Variants in LPAR5 observed in about 807,000 individuals in gnomAD.
LPAR5 encodes the protein lysophosphatidic acid receptor 5.
For synonymous variants in LPAR5, 271 were observed against 261.6 expected, an observed-to-expected ratio of 1.04 and a Z score of -0.35; for missense variants, 544 against 521.8, an observed-to-expected ratio of 1.04 and a Z score of -0.41.
intron 1 of LPAR5, among the ~76,000 whole-genome samples, chr12:6,625,420 C>CAA (rs34197416): frequency 9.5e-5 from 11 of 115,380 alleles, no homozygotes; most frequent in East Asian, 5.2e-4. Context: ...GACTCCGTCT[C>CAA]AAAAAAAAAA....
At position 6,620,404 on chromosome 12, in the gene LPAR5, A is replaced by G; in HGVS notation, c.845T>C (p.Met282Thr). ...GCAGTTGGCGCCGGCCAGCAGCACC[A>G]TCACCATCAGCACCCCGCGCACGCG... Reference protein sequence around the residue: ...RDRVRGVLMVMVLLAGANCVL... With the variant: ...RDRVRGVLMVTVLLAGANCVL... The change falls in exon 2 of 2, where the codon ATG becomes ACG. Residue 282 changes from methionine (M) to threonine (T), a missense_variant. Physicochemically the swap from Met to Thr is moderately conservative, Grantham distance 81. Coordinates refer to ENST00000329858, the MANE Select transcript of LPAR5 (RefSeq NM_020400.6). The surrounding 1 kb of genome is among the most constrained non-coding windows in gnomAD (Gnocchi z 6.8). 1 of 1,611,242 alleles carries G rather than the reference A, an allele frequency of 6.2e-7. No individual in the cohort carries two copies. The highest frequency in any genetic ancestry group is 8.5e-7 in the Non-Finnish European group (1 of 1,179,096).
At chr12:6,621,518 A>C in intron 1 of LPAR5, 54 bp from the exon 2 acceptor site, 3 of 342,122 alleles carry the variant, frequency 8.8e-6, no homozygotes, top group African/African-American at 2.1e-5. Context: ...GCACACACAA[A>C]TGTTTAGCTC....
At chr12:6,621,922 G>C (rs1242498836) in intron 1 of LPAR5, among the ~76,000 whole-genome samples, 1 of 152,076 alleles carries the variant, frequency 6.6e-6, no homozygotes, top group African/African-American at 2.4e-5. Flanking sequence ...GAGGTCAGGA[G>C]TTCGAGACCA....
intron 1 of LPAR5, among the ~76,000 whole-genome samples, chr12:6,635,659 G>A (rs1421898909): frequency 2.0e-5 from 3 of 152,180 alleles, no homozygotes; most frequent in African/African-American, 7.2e-5. Context: ...AGATGCCCCA[G>A]AGTGGGGGCT....
In LPAR5 at chr12:6,628,789, C is replaced by T. The variant is rs372092365; in HGVS notation, c.-217+7118G>A. Among the ~76,000 whole-genome samples, 9 of 152,124 alleles carry T rather than the reference C, an allele frequency of 5.9e-5. No individual in the cohort carries two copies. The East Asian group carries it at 9.8e-4, about 16-fold the overall frequency. On this transcript the variant is annotated intron_variant, in intron 1 of 1. Transcript: ENST00000329858. ...CTGGGATTACAGGCATGTGCCACCA[C>T]GCCCAGCTAATTTTGTATTTTTAGT...
intron 1 of LPAR5, among the ~76,000 whole-genome samples, chr12:6,627,682 A>G (rs901500693): frequency 6.6e-6 from 1 of 152,090 alleles, no homozygotes; most frequent in African/African-American, 2.4e-5. Context: ...CGTTTTATGT[A>G]TATTTGTTCT....
intron 1 of LPAR5, among the ~76,000 whole-genome samples, chr12:6,633,509 T>A (rs1948993862): frequency 6.6e-6 from 1 of 151,808 alleles, no homozygotes; most frequent in Admixed American, 6.6e-5. Flanking sequence ...GCCTCCCGGG[T>A]TCACGCAATT....
intron 1 of LPAR5, among the ~76,000 whole-genome samples, chr12:6,627,462 G>T (rs1004562633): frequency 6.6e-6 from 1 of 151,100 alleles, no homozygotes; most frequent in African/African-American, 2.4e-5. Flanking sequence ...GAGGTGGCAG[G>T]TGCCTGTAAT....
At chr12:6,623,714 C>T (rs1387852460) in intron 1 of LPAR5, among the ~76,000 whole-genome samples, 1 of 152,164 alleles carries the variant, frequency 6.6e-6, no homozygotes, top group African/African-American at 2.4e-5. Context: ...GTCTTTGCCC[C>T]CACCTCCTTT....
intron 1 of LPAR5, among the ~76,000 whole-genome samples, chr12:6,635,198 A>G (rs1401509531): frequency 6.6e-6 from 1 of 152,168 alleles, no homozygotes; most frequent in Non-Finnish European, 1.5e-5. Context: ...ACCACAGGGA[A>G]GAGGTAGGCC....
At chr12:6,625,282 G>T (rs1018366309) in intron 1 of LPAR5, among the ~76,000 whole-genome samples, 1 of 150,528 alleles carries the variant, frequency 6.6e-6, no homozygotes. Flanking sequence ...AAAATTAGCC[G>T]GGCGTGGTGG....
chr12:6,621,351 A>T lies in LPAR5; in HGVS notation c.-103T>A, dbSNP rs907242933. 12 of 1,167,270 alleles carry T rather than the reference A, an allele frequency of 1.0e-5. No individual in the cohort carries two copies. The highest frequency in any genetic ancestry group is 3.4e-6 in the Non-Finnish European group (3 of 884,744). The allele number at this position is 1,167,270 out of a possible 1,614,324, so 72.3% of individuals were successfully genotyped here. A position where few individuals can be genotyped will look rare whatever the true frequency, so the allele number is the denominator to read the frequency against. ...GGGCTGGGGCCTAGAGGCTGTACAGACATGGTCCCAAAACAAGCAGAGGGA... is the reference window on the plus strand; with the variant it reads ...GGGCTGGGGCCTAGAGGCTGTACAGTCATGGTCCCAAAACAAGCAGAGGGA... On this transcript the variant is annotated 5_prime_UTR_variant, in exon 2 of 2. Coordinates refer to ENST00000329858, the MANE Select transcript of LPAR5 (RefSeq NM_020400.6).
intron 1 of LPAR5, among the ~76,000 whole-genome samples, chr12:6,630,863 C>A (rs942301321): frequency 6.6e-6 from 1 of 152,204 alleles, no homozygotes; most frequent in South Asian, 2.1e-4. Context: ...GGCCTGGTCC[C>A]CATCCCACAC....
intron 1 of LPAR5, among the ~76,000 whole-genome samples, chr12:6,623,263 G>A (rs1442276859): frequency 6.6e-6 from 1 of 150,738 alleles, no homozygotes; most frequent in African/African-American, 2.4e-5. Flanking sequence ...CGGCTGCATG[G>A]TACCTCATGC....
chr12:6,620,802 G>C lies in LPAR5; in HGVS notation c.447C>G (p.Ile149Met). The C allele has an allele frequency of 1.3e-6, 2 of 1,575,104 alleles. No homozygotes were observed. The highest frequency in any genetic ancestry group is 1.7e-6 in the Non-Finnish European group (2 of 1,160,860). The part of the protein sequence containing the change: ...RLLCLGVWAL[I>M]LVFAVPAARV... ...GGGCGGCGGGCACGGCAAACACCAG[G>C]ATGAGCGCCCACACGCCCAGGCAGA... is the stretch of plus-strand genomic sequence containing the variant. Residue 149 changes from isoleucine to methionine, a missense_variant, in exon 2 of 2, where the codon ATC (isoleucine) becomes ATG (methionine). Coordinates refer to ENST00000329858, the MANE Select transcript of LPAR5 (RefSeq NM_020400.6). The surrounding 1 kb of genome is among the most constrained non-coding windows in gnomAD (Gnocchi z 6.8).
At chr12:6,628,635 T>C (rs1174720116) in intron 1 of LPAR5, among the ~76,000 whole-genome samples, 2 of 135,588 alleles carry the variant, frequency 1.5e-5, no homozygotes, top group Non-Finnish European at 3.0e-5. Context: ...TAATTTCTTT[T>C]TTTTTTTTTT....
At chr12:6,633,547 A>G (rs1259525783) in intron 1 of LPAR5, among the ~76,000 whole-genome samples, 4 of 151,240 alleles carry the variant, frequency 2.6e-5, no homozygotes, top group Non-Finnish European at 4.4e-5. Flanking sequence ...CGAGTAGCTG[A>G]GACTACAGGC....
intron 1 of LPAR5, among the ~76,000 whole-genome samples, chr12:6,627,223 C>A (rs963293348): frequency 6.6e-6 from 1 of 152,120 alleles, no homozygotes; most frequent in Non-Finnish European, 1.5e-5. Context: ...ACCCAAGAGG[C>A]GGAGGTTGCA....
chr12:6,635,174 A>T (rs914233201), intron 1 of LPAR5, among the ~76,000 whole-genome samples: 8 of 152,074 alleles, frequency 5.3e-5, no homozygotes, highest in African/African-American at 1.9e-4. Flanking sequence ...CCTTCTTGTC[A>T]TGGGGGCCCC....
Sources: allele counts gnomAD v4.1 joint callset (sites outside exome capture counted in the v4.1 genomes callset), GRCh38; gene constraint gnomAD v4.1.1; non-coding constraint Gnocchi (gnomAD v3.1); transcripts MANE v1.5; gene names NCBI Gene and HGNC (gene_info 2026-07-23, HGNC 2026-07-21).